LRBA: variants seen among roughly 807,000 people sequenced by gnomAD.
LRBA encodes the protein lipopolysaccharide-responsive and beige-like anchor protein.
Under a neutral mutation model 330.0 loss-of-function variants are expected in LRBA, and 176 were observed. The observed-to-expected ratio is 0.53, with a 90% CI of 0.47 to 0.60. The LOEUF is 0.60. Among genes scored for constraint, LRBA ranks in the 20% least tolerant of loss-of-function variants. The pLI is 0.00. For synonymous variants in LRBA, 1,230 were observed against 1,193.0 expected (o/e 1.03, Z -0.64); for missense variants, 3,259 against 3,444.8 (o/e 0.95, Z 1.35).
chr4:150,707,382 T>A (rs1268776175), intron 36 of LRBA, among the ~76,000 whole-genome samples: 1 of 151,604 alleles, frequency 6.6e-6, no homozygotes, highest in African/African-American at 2.4e-5. Context: ...GTGAAAGACC[T>A]ATACTTTTAA....
At position 150,711,258 on chromosome 4, in the gene LRBA, AAG is replaced by A. The variant is rs776832593; in HGVS notation, c.5754+23998_5754+23999del. 2.6e-5 allele frequency among the ~76,000 whole-genome samples: 4 copies of A among 151,212 alleles called. No homozygotes were observed. The East Asian group carries it at 5.8e-4, about 22-fold the overall frequency. ...GTTAATTTTTTTTTTTTTTTTGAGA[AAG>A]AGTCTCACTGTGTCACCCAGGATGG... On this transcript the variant is annotated intron_variant, in intron 36 of 56. Coordinates refer to ENST00000651943, the MANE Select transcript of LRBA (RefSeq NM_001364905.1).
At chr4:150,327,397 A>G (rs1026967162) in intron 48 of LRBA, among the ~76,000 whole-genome samples, 1 of 152,126 alleles carries the variant, frequency 6.6e-6, no homozygotes, top group East Asian at 1.9e-4. Flanking sequence ...TCCAGCCTGG[A>G]CAAGAGTGCA....
chr4:150,775,805 G>GA (rs35161747), intron 34 of LRBA, among the ~76,000 whole-genome samples: 1,505 of 59,952 alleles, frequency 0.025, 51 homozygotes, highest in African/African-American at 0.077. Context: ...AAGAAAGAAT[G>GA]AAAAAAAAAA....
chr4:150,831,982 A>G lies in LRBA; in HGVS notation c.4570-6T>C, dbSNP rs199536668. The G allele has an allele frequency of 7.0e-7, 1 of 1,430,888 alleles. No homozygotes were observed. The highest frequency in any genetic ancestry group is 9.1e-7 in the Non-Finnish European group (1 of 1,093,852). 88.6% of individuals were successfully genotyped at this position (1,430,888 alleles called of 1,614,324 possible). On this transcript the variant is annotated splice_polypyrimidine_tract_variant and splice_region_variant and intron_variant, in intron 28 of 56. Coordinates refer to ENST00000651943, the MANE Select transcript of LRBA (RefSeq NM_001364905.1). The stretch of plus-strand genomic sequence containing the variant: ...TGAGCTTGTTTGCTATCCTCCTGGG[A>G]AAAAAAATTAAAGGAGTTGATTATG...
intron 35 of LRBA, among the ~76,000 whole-genome samples, chr4:150,735,635 A>T (rs949281526): frequency 1.3e-5 from 2 of 152,246 alleles, no homozygotes; most frequent in Non-Finnish European, 2.9e-5. Context: ...TTAATCTTTT[A>T]AAATGCACTG....
chr4:150,745,663 G>A (rs1037702784), intron 35 of LRBA, among the ~76,000 whole-genome samples: 4 of 151,670 alleles, frequency 2.6e-5, no homozygotes, highest in Non-Finnish European at 4.4e-5. Context: ...TTACAGGCAC[G>A]CACCACCACG....
At chr4:150,357,311 T>C (rs1737989342) in intron 47 of LRBA, among the ~76,000 whole-genome samples, 1 of 151,990 alleles carries the variant, frequency 6.6e-6, no homozygotes, top group South Asian at 2.1e-4. Flanking sequence ...TTAAATGGAC[T>C]AGTCAACCAG....
intron 40 of LRBA, among the ~76,000 whole-genome samples, chr4:150,555,632 T>C (rs1767205673): frequency 6.6e-6 from 1 of 151,796 alleles, no homozygotes; most frequent in Admixed American, 6.6e-5. Context: ...ACGCCTGTAG[T>C]CTCAGCTACT....
rs113838481 is a variant in LRBA at position 150,303,735 on chromosome 4, G to A, written c.7850-943C>T. On this transcript the variant is annotated intron_variant, in intron 52 of 56. Transcript: ENST00000651943. ...ACAGGCACCCACCACCACCACGCCC[G>A]GCTAATTTTTTGTATTTTTAGTAGA... Among the ~76,000 whole-genome samples, 274 of 152,016 alleles carry A rather than the reference G, an allele frequency of 1.8e-3. 1 individual carries two copies. Among genetic ancestry groups the A allele is most frequent in the Middle Eastern group, 3.4e-3 (1 of 292 alleles).
intron 37 of LRBA, among the ~76,000 whole-genome samples, chr4:150,601,533 TA>T (rs949259550): frequency 2.6e-5 from 4 of 151,614 alleles, no homozygotes; most frequent in South Asian, 2.1e-4. Flanking sequence ...ACCTTGACAC[TA>T]AAAAAAATGG....
chr4:150,389,236 A>G (rs1294553812), intron 47 of LRBA, among the ~76,000 whole-genome samples: 1 of 152,020 alleles, frequency 6.6e-6, no homozygotes, highest in African/African-American at 2.4e-5. Flanking sequence ...ACGTGCCTGT[A>G]GTCCCAGCTC....
rs542618513 is a variant in LRBA at position 150,852,767 on chromosome 4, G to A, written c.2943C>T (p.Val981=). 1 of 1,614,008 alleles carries A rather than the reference G, an allele frequency of 6.2e-7. No individual in the cohort carries two copies. Among genetic ancestry groups the A allele is most frequent in the East Asian group, 2.2e-5 (1 of 44,862 alleles). Residue 981 remains valine (V), a synonymous_variant, in exon 23 of 57, where the codon GTC becomes GTT. Transcript: ENST00000651943. ...TACCATTTGTGGTGAAATGAGGACA[G>A]ACAGGAGAATCCTTCGTATCTGGTT... The part of the protein sequence containing the change: ...SQQPDTKDSP[V]CPHFTTNGNE...
intron 2 of LRBA, among the ~76,000 whole-genome samples, chr4:150,997,807 G>A (rs1341875379): frequency 2.0e-5 from 3 of 151,816 alleles, no homozygotes; most frequent in Non-Finnish European, 2.9e-5. Context: ...GGGTTCAAGC[G>A]ATTCCCATGC....
chr4:151,006,325 C>CA (rs1333930564), intron 2 of LRBA, among the ~76,000 whole-genome samples: 2 of 151,524 alleles, frequency 1.3e-5, no homozygotes, highest in East Asian at 3.9e-4. Context: ...GACTCCGTCT[C>CA]AAAAAAATAA....
At chr4:150,860,928 T>C (rs544433369) in intron 22 of LRBA, among the ~76,000 whole-genome samples, 7 of 152,312 alleles carry the variant, frequency 4.6e-5, no homozygotes, top group South Asian at 2.1e-4. Context: ...GTGAACACCA[T>C]AGAGTGTACT....
Position 150,510,208 on chromosome 4 carries a change from A to G in LRBA, c.6331-19173T>C, listed in dbSNP as rs578127156. On this transcript the variant is annotated intron_variant, in intron 40 of 56. Coordinates refer to ENST00000651943, the MANE Select transcript of LRBA (RefSeq NM_001364905.1). ...AGAAATAGATTGCATAAATAATACA[A>G]TATCTAATAAAGAAGTTAAATTTGT... 3.9e-5 allele frequency among the ~76,000 whole-genome samples: 6 copies of G among 152,262 alleles called. No homozygotes were observed. The East Asian group carries it at 5.8e-4, about 15-fold the overall frequency.
chr4:150,818,282 T>C (rs1421549769), intron 30 of LRBA, among the ~76,000 whole-genome samples: 1 of 152,092 alleles, frequency 6.6e-6, no homozygotes, highest in Middle Eastern at 3.2e-3. Context: ...TTTACCTCAG[T>C]GCCTATCATG....
chr4:150,677,875 C>T (rs994507229), intron 37 of LRBA, among the ~76,000 whole-genome samples: 6 of 151,224 alleles, frequency 4.0e-5, no homozygotes, highest in Admixed American at 3.9e-4. Context: ...CCCATATGTT[C>T]AGTATCAGGC....
chr4:150,639,743 A>ATATATATATATGTGTGTATG lies in LRBA; in HGVS notation c.5922-40613_5922-40612insCATACACACATATATATATA, dbSNP rs1561456841. Among the ~76,000 whole-genome samples, 6 of 1,430 alleles carry ATATATATATATGTGTGTATG rather than the reference A, an allele frequency of 4.2e-3. 2 individuals are homozygous for ATATATATATATGTGTGTATG. The highest frequency in any genetic ancestry group is 0.017 in the Admixed American group (2 of 120). The allele number at this position is 1,430 out of a possible 152,430, so 0.9% of individuals were successfully genotyped here. A position where few individuals can be genotyped will look rare whatever the true frequency, so the allele number is the denominator to read the frequency against. On this transcript the variant is annotated intron_variant, in intron 37 of 56. Transcript: ENST00000651943. ...ATCTGAGCCTATGCCCCAAATATAT[A>ATATATATATATGTGTGTATG]TATATATATATATATATATATATAT...
Sources: gnomAD v4.1 joint callset for allele counts (sites outside exome capture counted in the v4.1 genomes callset) on GRCh38, gnomAD v4.1.1 for gene constraint, MANE v1.5 for transcripts, NCBI Gene and HGNC (gene_info 2026-07-23, HGNC 2026-07-21) for gene names.